Variants in CSAD observed in about 807,000 individuals in gnomAD.
CSAD encodes P-selectin cytoplasmic tail-associated protein.
A neutral mutation model predicts 61.5 loss-of-function variants in CSAD; 47 were observed. The ratio of observed to expected loss-of-function variants is 0.76; its 90% CI spans 0.60 to 0.97. The LOEUF (loss-of-function observed/expected upper bound fraction) is 0.97. Ranked by LOEUF, CSAD falls within the 50% of genes least tolerant of loss-of-function variation. CSAD has a pLI of 0.00. For missense variants in CSAD, 611 were observed against 643.6 expected (o/e 0.95, Z 0.55); for synonymous variants, 245 against 252.7 (o/e 0.97, Z 0.29).
rs758529967 is a variant in CSAD, at chr12:53,171,206, TG to T, written c.567+119del. The T allele has an allele frequency of 4.7e-6, 7 of 1,478,820 alleles. No homozygotes were observed. The African/African-American group carries it at 9.7e-5, about 20-fold the overall frequency. The allele number at this position is 1,478,820 out of a possible 1,614,324, so 91.6% of individuals were successfully genotyped here. A position where few individuals can be genotyped will look rare whatever the true frequency, so the allele number is the denominator to read the frequency against. On this transcript the variant is annotated intron_variant, in intron 8 of 16. Transcript: ENST00000444623. ...TTGATTGGAAGGAAGCACATCCGCC[TG>T]GGGGCAGGCTGGCCTTGGAGGATGT...
chr12:53,162,791 G>A (rs574569453), intron 10 of CSAD, among the ~76,000 whole-genome samples: 13 of 152,132 alleles, frequency 8.5e-5, no homozygotes, highest in African/African-American at 3.1e-4. Flanking sequence ...GCTGGGCGTG[G>A]TGGCTTATGC....
At chr12:53,179,936 G>T in intron 1 of CSAD, 1 of 1,588,838 alleles carries the variant, frequency 6.3e-7, no homozygotes, top group South Asian at 1.1e-5. Flanking sequence ...CAAGAGCCAG[G>T]ACTCCCATAA....
intron 8 of CSAD, chr12:53,170,712 G>T: frequency 1.8e-6 from 1 of 569,042 alleles, no homozygotes; most frequent in Non-Finnish European, 3.1e-6. Context: ...CCAAGATTCT[G>T]CATTTGTTTG....
intron 13 of CSAD, 126 bp from the exon 14 acceptor site, chr12:53,160,445 G>A (rs1171283400): frequency 2.1e-6 from 2 of 972,344 alleles, no homozygotes; most frequent in Non-Finnish European, 3.1e-6. Context: ...GCACTGCTGG[G>A]ACGGCTGCCT....
At chr12:53,159,813 G>C in intron 15 of CSAD, 74 bp downstream of exon 15, 2 of 1,537,850 alleles carry the variant, frequency 1.3e-6, no homozygotes, top group East Asian at 2.4e-5. Context: ...CCTCCACTAG[G>C]GCTTTAGTTG....
chr12:53,159,831 G>A (rs1939042503), intron 15 of CSAD, 56 bp downstream of exon 15: 7 of 1,552,644 alleles, frequency 4.5e-6, no homozygotes, highest in Admixed American at 1.9e-5. Flanking sequence ...TTGGGGCTTG[G>A]GGGCTGCAAA....
intron 10 of CSAD, among the ~76,000 whole-genome samples, chr12:53,161,694 T>C (rs1302505237): frequency 6.6e-6 from 1 of 152,164 alleles, no homozygotes; most frequent in African/African-American, 2.4e-5. Flanking sequence ...GCATAGTGGC[T>C]CACACCTATA....
At chr12:53,180,496 C>G (rs1941500962) in intron 1 of CSAD, 6 of 1,236,984 alleles carry the variant, frequency 4.9e-6, no homozygotes, top group South Asian at 1.4e-5. Flanking sequence ...GGGCGCGCCC[C>G]GGCCACGGCG....
intron 1 of CSAD, 146 bp downstream of exon 1, chr12:53,180,586 C>T (rs1257661372): frequency 5.3e-5 from 68 of 1,284,780 alleles, no homozygotes; most frequent in Non-Finnish European, 6.2e-5. Context: ...CCTCTCCGTG[C>T]GTCCCCAAGC....
intron 1 of CSAD, 143 bp downstream of exon 1, chr12:53,180,589 C>G (rs1253315214): frequency 7.8e-7 from 1 of 1,285,472 alleles, no homozygotes; most frequent in African/African-American, 1.5e-5. Flanking sequence ...CTCCGTGCGT[C>G]CCCAAGCTCA....
At chr12:53,174,150 A>C (rs889379669) in intron 2 of CSAD, among the ~76,000 whole-genome samples, 25 of 151,972 alleles carry the variant, frequency 1.6e-4, no homozygotes, top group Non-Finnish European at 3.2e-4. Flanking sequence ...TAAAAATACA[A>C]AAAATTAGCC....
chr12:53,160,957 C>A, intron 12 of CSAD, 113 bp from the exon 13 acceptor site: 1 of 1,174,912 alleles, frequency 8.5e-7, no homozygotes, highest in South Asian at 1.4e-5. Context: ...ACCCTCACCC[C>A]AGCATCAGGA....
intron 2 of CSAD, 146 bp from the exon 3 acceptor site, chr12:53,173,916 A>G (rs1468496432): frequency 4.0e-6 from 3 of 752,628 alleles, no homozygotes; most frequent in Non-Finnish European, 6.6e-6. Flanking sequence ...AAACCTCAGT[A>G]GCAGTCATTT....
rs1291303012 is a variant in CSAD at position 53,172,398 on chromosome 12, C to A, written c.292G>T (p.Asp98Tyr). Residue 98 changes from aspartate (D) to tyrosine (Y), a missense_variant, in exon 6 of 17, where the codon GAT becomes TAT. Transcript: ENST00000444623. ...ATGCGCCCGGCCAGAGCATGGGGAT[C>A]CAACCCAGAGAAGAGCTGGTTGAAG... ...RFFNQLFSGL[D>Y]PHALAGRIIT... 2 of 1,614,096 alleles carry A rather than the reference C, an allele frequency of 1.2e-6. No homozygotes were observed. Among genetic ancestry groups the A allele is most frequent in the Admixed American group, 3.3e-5 (2 of 60,008 alleles).
chr12:53,160,251 C>G lies in CSAD; in HGVS notation c.1035G>C (p.Val345=), dbSNP rs1174715201. 3 of 1,614,126 alleles carry G rather than the reference C, an allele frequency of 1.9e-6. No individual in the cohort carries two copies. Among genetic ancestry groups the G allele is most frequent in the Non-Finnish European group, 8.5e-7 (1 of 1,180,050 alleles). ...YLFQQDKFYD[V]ALDTGDKVVQ... ...CCACCTTGTCTCCCGTGTCCAGAGC[C>G]ACATCGTAGAACTTGTCCTGCTGGA... Residue 345 remains valine, a synonymous_variant, in exon 14 of 17, where the codon GTG becomes GTC. Coordinates refer to ENST00000444623, the MANE Select transcript of CSAD (RefSeq NM_001244705.2).
intron 12 of CSAD, 92 bp from the exon 13 acceptor site, chr12:53,160,936 G>A (rs570251261): frequency 2.3e-4 from 301 of 1,291,126 alleles, no homozygotes; most frequent in Non-Finnish European, 3.2e-4. Context: ...CAGCAAAGGG[G>A]CTTTGGTCTC....
chr12:53,160,675 G>C lies in CSAD; in HGVS notation c.966+88C>G, dbSNP rs939313578. ...CAGAAGGGATGGTAAAGAGAATAGA[G>C]AAAGGCCTGAACTTTATCTAAGGTG... On this transcript the variant is annotated intron_variant, in intron 13 of 16. Coordinates refer to ENST00000444623, the MANE Select transcript of CSAD (RefSeq NM_001244705.2). 5 of 1,157,770 alleles carry C rather than the reference G, an allele frequency of 4.3e-6. No homozygotes were observed. In the African/African-American group the frequency reaches 7.7e-5, roughly 18 times the overall value. The allele number at this position is 1,157,770 out of a possible 1,614,324, so 71.7% of individuals were successfully genotyped here.
chr12:53,176,667 C>T (rs1019734223), intron 2 of CSAD, among the ~76,000 whole-genome samples: 2 of 151,054 alleles, frequency 1.3e-5, no homozygotes, highest in Admixed American at 6.6e-5. Flanking sequence ...TGCAGTGAGC[C>T]GAGATCATGC....
rs1224709459 is a variant in CSAD at position 53,161,823 on chromosome 12, T to C, written c.703-434A>G. Among the ~76,000 whole-genome samples, 9 of 151,648 alleles carry C rather than the reference T, an allele frequency of 5.9e-5. No homozygotes were observed. In the South Asian group the frequency reaches 8.3e-4, roughly 14 times the overall value. ...ATTTTTTTGTTTAATTAGCCAAGTG[T>C]AGTGGGCATGCCTGTAGTCCCAGCT... On this transcript the variant is annotated intron_variant, in intron 10 of 16. Coordinates refer to ENST00000444623, the MANE Select transcript of CSAD (RefSeq NM_001244705.2).
Sources: gnomAD v4.1 joint callset for allele counts (sites outside exome capture counted in the v4.1 genomes callset) on GRCh38, gnomAD v4.1.1 for gene constraint, MANE v1.5 for transcripts, NCBI Gene and HGNC (gene_info 2026-07-23, HGNC 2026-07-21) for gene names.